Variants in PCDHAC2 observed in about 807,000 individuals in gnomAD.
The protein encoded by PCDHAC2 is protocadherin alpha-C2.
Under a neutral mutation model 63.3 loss-of-function variants are expected in PCDHAC2, and 24 were observed. That is an observed-to-expected ratio of 0.38 (90% confidence interval 0.27 to 0.53). The LOEUF is 0.53. Among genes scored for constraint, PCDHAC2 ranks in the 20% least tolerant of loss-of-function variants. The pLI is 0.81. For missense variants in PCDHAC2, 1,181 were observed against 1,275.2 expected, an observed-to-expected ratio of 0.93 and a Z score of 1.12; for synonymous variants, 569 against 529.4, an observed-to-expected ratio of 1.07 and a Z score of -1.03.
chr5:141,009,062 A>G (rs1466818539), intron 3 of PCDHAC2, among the ~76,000 whole-genome samples: 1 of 152,240 alleles, frequency 6.6e-6, no homozygotes, highest in East Asian at 1.9e-4. Context: ...TCACAACTGT[A>G]TTCTTTAGGA....
intron 3 of PCDHAC2, among the ~76,000 whole-genome samples, chr5:140,996,592 C>T (rs2097733979): frequency 6.7e-6 from 1 of 149,052 alleles, no homozygotes; most frequent in African/African-American, 2.4e-5. Context: ...AGGGCCGCCT[C>T]CCCCCATTTT....
chr5:141,006,869 C>T (rs190273260), intron 3 of PCDHAC2, among the ~76,000 whole-genome samples: 50 of 152,182 alleles, frequency 3.3e-4, no homozygotes, highest in African/African-American at 1.0e-3. Flanking sequence ...GGAATAGATT[C>T]GAGGAATCAA....
At chr5:140,998,136 C>T (rs2153950850) in intron 3 of PCDHAC2, among the ~76,000 whole-genome samples, 1 of 152,308 alleles carries the variant, frequency 6.6e-6, no homozygotes, top group South Asian at 2.1e-4. Context: ...TAATAGCTAA[C>T]CTGTACTGAA....
chr5:140,976,545 T>C (rs781810490), intron 1 of PCDHAC2, among the ~76,000 whole-genome samples: 1 of 152,078 alleles, frequency 6.6e-6, no homozygotes, highest in Non-Finnish European at 1.5e-5. Flanking sequence ...AGTAAGACCC[T>C]ATCTCATAAA....
chr5:140,979,619 G>A (rs1344525241), intron 2 of PCDHAC2, among the ~76,000 whole-genome samples: 1 of 152,164 alleles, frequency 6.6e-6, no homozygotes, highest in African/African-American at 2.4e-5. Context: ...AACGGTATTA[G>A]TCTAAGACTC....
chr5:140,998,243 C>T (rs1554256209), intron 3 of PCDHAC2, among the ~76,000 whole-genome samples: 1 of 152,164 alleles, frequency 6.6e-6, no homozygotes, highest in Non-Finnish European at 1.5e-5. Context: ...CATTATTATA[C>T]TCATTTTACT....
rs2096165933 is a variant in PCDHAC2, at chr5:140,967,641, T to C, written c.875T>C (p.Leu292Pro). 1 of 1,614,004 alleles carries C rather than the reference T, an allele frequency of 6.2e-7. No homozygotes were observed. The highest frequency in any genetic ancestry group is 2.2e-5 in the East Asian group (1 of 44,882). Residue 292 changes from leucine (L) to proline (P), a missense_variant, in exon 1 of 4, where the codon CTC (leucine) becomes CCC (proline). Around this residue, in one of 3 missense-constraint regions of PCDHAC2, gnomAD observed 968 missense variants for 1,073.5 expected, o/e 0.90. Transcript: ENST00000289269. ...CCGGATGAGGGCTCCAATGGTGAGC[T>C]CAGGTACTCCTTGAGCAGCTACACG... ...SDPDEGSNGELRYSLSSYTSD... is the reference protein window; with the variant it reads ...SDPDEGSNGEPRYSLSSYTSD...
rs77462249 is a variant in PCDHAC2 at position 141,008,293 on chromosome 5, C to G, written c.2714-1334C>G. ...ATAGGAAATTGAAATAGCAGTTGTA[C>G]CCAACCCTAAACTGTAATTGAACAT... On this transcript the variant is annotated intron_variant, in intron 3 of 3. Coordinates refer to ENST00000289269, the MANE Select transcript of PCDHAC2 (RefSeq NM_018899.6). 3.5e-3 allele frequency among the ~76,000 whole-genome samples: 527 copies of G among 152,254 alleles called. 1 individual carries two copies. The highest frequency in any genetic ancestry group is 5.9e-3 in the Non-Finnish European group (399 of 68,006).
At chr5:140,982,688 ATACATACATGATTTCCT>A in intron 3 of PCDHAC2, 125 bp downstream of exon 3, 1 of 1,415,764 alleles carries the variant, frequency 7.1e-7, no homozygotes, top group African/African-American at 1.4e-5. Flanking sequence ...CCTTTTTTCC[ATACATACATGATTTCCT>A]TACATATATG....
At position 140,967,023 on chromosome 5, in the gene PCDHAC2, G is replaced by A; in HGVS notation, c.257G>A (p.Ser86Asn). The change falls in exon 1 of 4, where the codon AGT becomes AAT. Residue 86 changes from serine to asparagine, a missense_variant. This residue lies in a region of PCDHAC2 where 210 missense variants were observed against 184.9 expected (regional missense o/e 1.14). Coordinates refer to ENST00000289269, the MANE Select transcript of PCDHAC2 (RefSeq NM_018899.6). ...CLRINHLGAP[S>N]PRYLELDLTS... ...CGCATCAACCATCTGGGTGCGCCCA[G>A]TCCGCGCTACCTGGAGCTGGACCTG... 6.2e-7 allele frequency: 1 copy of A among 1,608,160 alleles called. No individual in the cohort carries two copies. The highest frequency in any genetic ancestry group is 1.1e-5 in the South Asian group (1 of 90,982).
intron 3 of PCDHAC2, among the ~76,000 whole-genome samples, chr5:141,008,567 T>C (rs1171779674): frequency 1.3e-5 from 2 of 152,182 alleles, no homozygotes; most frequent in African/African-American, 4.8e-5. Flanking sequence ...TGCATAATCA[T>C]TTTCCCAAGA....
intron 3 of PCDHAC2, among the ~76,000 whole-genome samples, chr5:140,984,610 G>A (rs2097110934): frequency 6.6e-6 from 1 of 152,188 alleles, no homozygotes; most frequent in African/African-American, 2.4e-5. Flanking sequence ...CTCTGCATCA[G>A]TGGTGTAAAG....
chr5:140,984,478 A>G (rs1374350616), intron 3 of PCDHAC2, among the ~76,000 whole-genome samples: 1 of 152,078 alleles, frequency 6.6e-6, no homozygotes, highest in Non-Finnish European at 1.5e-5. Flanking sequence ...TGTATAACCC[A>G]TTTTATCCAG....
At position 140,966,642 on chromosome 5, in the gene PCDHAC2, G is replaced by C. The variant is rs897727830; in HGVS notation, c.-125G>C. 1.3e-5 allele frequency: 15 copies of C among 1,117,790 alleles called. No homozygotes were observed. Among genetic ancestry groups the C allele is most frequent in the Non-Finnish European group, 1.8e-5 (15 of 846,066 alleles). 69.2% of individuals were successfully genotyped at this position (1,117,790 alleles called of 1,614,324 possible). ...AGGGAGCGGCCCCAGGCGCTTTCTA[G>C]AGCGTGAGCGGTGGGGGAGCAGGCG... On this transcript the variant is annotated 5_prime_UTR_variant, in exon 1 of 4. The change abolishes the stop of an existing upstream ORF in the 5' untranslated region. Transcript: ENST00000289269.
rs2098423382 is a variant in PCDHAC2, at chr5:141,012,241, T to C, written c.*2304T>C. On this transcript the variant is annotated 3_prime_UTR_variant, in exon 4 of 4. Coordinates refer to ENST00000289269, the MANE Select transcript of PCDHAC2 (RefSeq NM_018899.6). ...GTGCTTTCCAATCCATGTTAGTTAC[T>C]AGTTATTACAGCTGTAAGGATAAAA... 6.5e-6 allele frequency: 1 copy of C among 153,802 alleles called. No homozygotes were observed. The highest frequency in any genetic ancestry group is 6.5e-5 in the Admixed American group (1 of 15,284). The allele number at this position is 153,802 out of a possible 1,614,324, so 9.5% of individuals were successfully genotyped here.
At chr5:140,986,696 C>G (rs2097209947) in intron 3 of PCDHAC2, among the ~76,000 whole-genome samples, 2 of 152,130 alleles carry the variant, frequency 1.3e-5, no homozygotes, top group South Asian at 2.1e-4. Context: ...TCAAAACACA[C>G]AGCACTGCAG....
At chr5:140,987,022 T>C (rs1218338191) in intron 3 of PCDHAC2, among the ~76,000 whole-genome samples, 1 of 152,068 alleles carries the variant, frequency 6.6e-6, no homozygotes, top group African/African-American at 2.4e-5. Flanking sequence ...GAGACCAGCC[T>C]GGTCAACATG....
intron 3 of PCDHAC2, among the ~76,000 whole-genome samples, chr5:140,988,382 T>C (rs2097295449): frequency 6.6e-6 from 1 of 152,148 alleles, no homozygotes; most frequent in African/African-American, 2.4e-5. Flanking sequence ...TGAAACTCAT[T>C]GTGTTTGCCA....
At chr5:140,986,828 G>C (rs1001117075) in intron 3 of PCDHAC2, among the ~76,000 whole-genome samples, 2 of 152,146 alleles carry the variant, frequency 1.3e-5, no homozygotes, top group African/African-American at 2.4e-5. Flanking sequence ...TTTAGACAAT[G>C]GTTCTCAAAG....
Sources: gnomAD v4.1 joint callset for allele counts (sites outside exome capture counted in the v4.1 genomes callset) on GRCh38, gnomAD v4.1.1 for gene constraint, gnomAD v4.1.1 regional missense constraint, MANE v1.5 for transcripts, NCBI Gene and HGNC (gene_info 2026-07-23, HGNC 2026-07-21) for gene names.